Variants in FANK1 observed in about 807,000 individuals in gnomAD.
The protein encoded by FANK1 is fibronectin type 3 and ankyrin repeat domains protein 1.
In FANK1, 44 loss-of-function variants were observed where a neutral mutation model predicts 45.3. The ratio of observed to expected loss-of-function variants is 0.97; its 90% CI spans 0.76 to 1.25. The LOEUF (loss-of-function observed/expected upper bound fraction) is 1.25, where lower values mean the gene tolerates loss of function less well. FANK1 is among the 50% of genes most tolerant of loss of function. The pLI is 0.00. For missense variants in FANK1, 391 were observed against 424.4 expected (o/e 0.92, Z 0.69); for synonymous variants, 149 against 152.5 (o/e 0.98, Z 0.17).
At chr10:125,991,364 G>T (rs1259496376) in intron 3 of FANK1, among the ~76,000 whole-genome samples, 1 of 152,020 alleles carries the variant, frequency 6.6e-6, no homozygotes, top group African/African-American at 2.4e-5. Flanking sequence ...CCTCAGGGGG[G>T]CTGTACTGGG....
chr10:125,909,349 T>G (rs1270436621), intron 1 of FANK1, among the ~76,000 whole-genome samples: 1 of 152,210 alleles, frequency 6.6e-6, no homozygotes, highest in African/African-American at 2.4e-5. Context: ...ACTGGAATAC[T>G]GTTTTCAAAG....
Position 126,009,275 on chromosome 10 carries a change from G to A in FANK1, c.972+9G>A, listed in dbSNP as rs775449288. ...GAGTTTTTGACAGACAGGTTGGGAT[G>A]CTCTTTCTGCCTATCAAGGCTAATT... On this transcript the variant is annotated intron_variant, in intron 10 of 10. Transcript: ENST00000368693. The A allele has an allele frequency of 1.2e-5, 19 of 1,614,084 alleles. No individual in the cohort carries two copies. The highest frequency in any genetic ancestry group is 1.5e-5 in the Non-Finnish European group (18 of 1,180,040).
chr10:125,998,739 G>A lies in FANK1; in HGVS notation c.539+1254G>A, dbSNP rs189456569. 2.1e-4 allele frequency among the ~76,000 whole-genome samples: 27 copies of A among 131,318 alleles called. 1 individual carries two copies. Among genetic ancestry groups the A allele is most frequent in the African/African-American group, 6.7e-4 (26 of 38,534 alleles). The allele number at this position is 131,318 out of a possible 152,430, so 86.1% of individuals were successfully genotyped here. On this transcript the variant is annotated intron_variant, in intron 6 of 10. Transcript: ENST00000368693. ...AATAGTAGATAATTTCATTGAAATG[G>A]ATACTTTTTTTCTGAGAAAATTTAA...
intron 6 of FANK1, among the ~76,000 whole-genome samples, chr10:126,001,641 C>T (rs957693268): frequency 6.6e-6 from 1 of 152,122 alleles, no homozygotes; most frequent in South Asian, 2.1e-4. Context: ...ATAACAGACC[C>T]CATGGGTGCC....
At chr10:125,994,410 T>G (rs1952161983) in intron 3 of FANK1, 1 of 984,660 alleles carries the variant, frequency 1.0e-6, no homozygotes. Flanking sequence ...ACCTTTGAGG[T>G]TTTTTTAGAC....
intron 1 of FANK1, among the ~76,000 whole-genome samples, chr10:125,937,153 A>G (rs1046428340): frequency 6.6e-6 from 1 of 152,194 alleles, no homozygotes; most frequent in Non-Finnish European, 1.5e-5. Context: ...TGTTGAGTGT[A>G]TCGCTAAAAG....
At chr10:125,907,512 A>C in intron 1 of FANK1, 1 of 985,138 alleles carries the variant, frequency 1.0e-6, no homozygotes. Flanking sequence ...CGTGAGTAGG[A>C]TCTGTGACTT....
intron 1 of FANK1, among the ~76,000 whole-genome samples, chr10:125,938,613 A>G (rs1204364990): frequency 6.6e-6 from 1 of 152,214 alleles, no homozygotes; most frequent in African/African-American, 2.4e-5. Flanking sequence ...GTTCGAGACC[A>G]GCCTGGCCAA....
chr10:126,007,405 G>A (rs1226332927), intron 7 of FANK1, among the ~76,000 whole-genome samples: 1 of 152,186 alleles, frequency 6.6e-6, no homozygotes, highest in African/African-American at 2.4e-5. Flanking sequence ...TGTAATATGA[G>A]GTGCTTATTT....
intron 2 of FANK1, among the ~76,000 whole-genome samples, chr10:125,987,950 A>G (rs1435525479): frequency 6.6e-6 from 1 of 152,210 alleles, no homozygotes; most frequent in African/African-American, 2.4e-5. Context: ...TCAGATTTCT[A>G]TCCCAGAAGT....
rs144151799 is a variant in FANK1, at chr10:125,973,277, C to A, written c.14-6884C>A. 9.1e-4 allele frequency: 179 copies of A among 196,874 alleles called. 4 individuals carry two copies. In the East Asian group the frequency reaches 0.026, roughly 29 times the overall value. The allele number at this position is 196,874 out of a possible 1,614,324, so 12.2% of individuals were successfully genotyped here. On this transcript the variant is annotated intron_variant, in intron 1 of 10. Transcript: ENST00000368693. ...GCCTGTTCTGATCTCTAGTAGGATT[C>A]TAGGCTGGATGTCTTTGGAATTGAA...
chr10:125,929,101 A>C (rs1018521642), intron 1 of FANK1, among the ~76,000 whole-genome samples: 3 of 152,238 alleles, frequency 2.0e-5, no homozygotes, highest in African/African-American at 7.2e-5. Context: ...GTGCGTATGC[A>C]CAGGAGTCCA....
intron 1 of FANK1, among the ~76,000 whole-genome samples, chr10:125,918,578 AAAAAAAAATATAT>A (rs1946657538): frequency 7.8e-6 from 1 of 128,044 alleles, no homozygotes; most frequent in Non-Finnish European, 1.6e-5. Flanking sequence ...AAAAAAAAAA[AAAAAAAAATATAT>A]ATATATATAT....
rs747047013 is a variant in FANK1 at position 125,995,455 on chromosome 10, A to G, written c.355A>G (p.Ser119Gly). ...TAGTGAGCACTTGCACCGGGCTGTCAGTGTGAATGATGAAGATTTGCTGGT... is the reference window on the plus strand; with the variant it reads ...TAGTGAGCACTTGCACCGGGCTGTCGGTGTGAATGATGAAGATTTGCTGGT... Reference protein sequence around the residue: ...ISSEHLHRAVSVNDEDLLVRI... With the variant: ...ISSEHLHRAVGVNDEDLLVRI... Residue 119 changes from serine (S) to glycine (G), a missense_variant, in exon 4 of 11, where the codon AGT becomes GGT. By Grantham distance (56) the Ser-to-Gly change is moderately conservative (BLOSUM62 0). Transcript: ENST00000368693. 6.2e-7 allele frequency: 1 copy of G among 1,614,106 alleles called. No homozygotes were observed. The highest frequency in any genetic ancestry group is 1.3e-5 in the African/African-American group (1 of 74,932).
chr10:125,957,492 C>T lies in FANK1; in HGVS notation c.14-22669C>T, dbSNP rs573313730. Among the ~76,000 whole-genome samples, 26 of 151,912 alleles carry T rather than the reference C, an allele frequency of 1.7e-4. No homozygotes were observed. The South Asian group carries it at 1.9e-3, about 11-fold the overall frequency. On this transcript the variant is annotated intron_variant, in intron 1 of 10. Transcript: ENST00000368693. The stretch of plus-strand genomic sequence containing the variant: ...TTCAGGTGTATTAGCGATGAGCTCT[C>T]TCAGCTTGGTTTATGTTAAGCTTTT...
intron 2 of FANK1, among the ~76,000 whole-genome samples, chr10:125,987,422 A>G (rs1951636973): frequency 6.6e-6 from 1 of 152,102 alleles, no homozygotes; most frequent in Middle Eastern, 3.4e-3. Context: ...CAAAAGGAGG[A>G]AACAATGGTA....
chr10:125,933,013 C>T (rs542467826), intron 1 of FANK1, among the ~76,000 whole-genome samples: 1 of 152,212 alleles, frequency 6.6e-6, no homozygotes, highest in Admixed American at 6.5e-5. Flanking sequence ...TATTGACTTG[C>T]ATATGTTAAA....
chr10:125,931,377 T>G lies in FANK1; in HGVS notation c.13+34722T>G, dbSNP rs899766930. On this transcript the variant is annotated intron_variant, in intron 1 of 10. Transcript: ENST00000368693. The stretch of plus-strand genomic sequence containing the variant: ...TGTTCACTGCACCCACACCAGCATC[T>G]ACTGTTTTTTGATTTTTTGATTATG... 2.6e-5 allele frequency among the ~76,000 whole-genome samples: 4 copies of G among 152,220 alleles called. 1 individual carries two copies. The South Asian group carries it at 8.3e-4, about 32-fold the overall frequency.
rs138020910 is a variant in FANK1, at chr10:125,908,222, C to A, written c.13+11567C>A. On this transcript the variant is annotated intron_variant, in intron 1 of 10. Transcript: ENST00000368693. ...TGTTGGTCAGGCTGGTCTCGAACTC[C>A]TCACCTCAGGTGATCTGTCTGCCTC... Among the ~76,000 whole-genome samples the A allele has an allele frequency of 9.7e-4, 147 of 152,258 alleles. 1 individual carries two copies. Among genetic ancestry groups the A allele is most frequent in the African/African-American group, 3.5e-3 (144 of 41,562 alleles).
Sources: allele counts gnomAD v4.1 joint callset (sites outside exome capture counted in the v4.1 genomes callset), GRCh38; gene constraint gnomAD v4.1.1; transcripts MANE v1.5; gene names NCBI Gene and HGNC (gene_info 2026-07-23, HGNC 2026-07-21).